The following ADGRL2 variants were observed in gnomAD, a reference collection of about 807,000 sequenced individuals.
ADGRL2 encodes calcium-independent alpha-latrotoxin receptor 2.
Under a neutral mutation model 157.4 loss-of-function variants are expected in ADGRL2, and 44 were observed. The observed-to-expected ratio is 0.28, with a 90% CI of 0.22 to 0.36. ADGRL2 has a LOEUF of 0.36. Ranked by LOEUF, ADGRL2 falls within the 10% of genes least tolerant of loss-of-function variation. ADGRL2 has a pLI of 1.00. For synonymous variants in ADGRL2, 585 were observed against 624.7 expected (o/e 0.94, Z 0.95); for missense variants, 1,510 against 1,768.9 (o/e 0.85, Z 2.63).
chr1:81,632,652 G>A (rs1479778042), intron 3 of ADGRL2, among the ~76,000 whole-genome samples: 1 of 152,006 alleles, frequency 6.6e-6, no homozygotes, highest in Non-Finnish European at 1.5e-5. Context: ...CCAACTACTC[G>A]GGAGGCTGAG....
chr1:81,361,770 T>C (rs1411195164), intron 1 of ADGRL2, among the ~76,000 whole-genome samples: 3 of 151,948 alleles, frequency 2.0e-5, no homozygotes, highest in Non-Finnish European at 4.4e-5. Context: ...AAGAAATGCT[T>C]ATTCAGTACC....
chr1:81,833,478 T>C (rs1019616403), intron 1 of ADGRL2, among the ~76,000 whole-genome samples: 2 of 152,164 alleles, frequency 1.3e-5, no homozygotes, highest in African/African-American at 4.8e-5. Context: ...TTTTAGAAAA[T>C]TGTAGTTTAA....
At chr1:81,944,739 C>A (rs1649220212) in intron 6 of ADGRL2, among the ~76,000 whole-genome samples, 1 of 151,830 alleles carries the variant, frequency 6.6e-6, no homozygotes, top group Admixed American at 6.6e-5. Context: ...AAATTAATAT[C>A]CTCAATAGGG....
intron 3 of ADGRL2, among the ~76,000 whole-genome samples, chr1:81,645,732 C>A (rs1361155190): frequency 2.0e-5 from 3 of 152,064 alleles, no homozygotes; most frequent in Non-Finnish European, 4.4e-5. Flanking sequence ...TATGAATGTA[C>A]CTTATCTTGT....
At chr1:81,979,786 A>C in intron 17 of ADGRL2, 83 bp from the exon 18 acceptor site, 1 of 790,578 alleles carries the variant, frequency 1.3e-6, no homozygotes, top group Non-Finnish European at 2.2e-6. Flanking sequence ...CTTCCATATA[A>C]ACATGGATCG....
intron 3 of ADGRL2, among the ~76,000 whole-genome samples, chr1:81,590,293 C>G (rs1379840017): frequency 6.6e-6 from 1 of 152,104 alleles, no homozygotes; most frequent in South Asian, 2.1e-4. Flanking sequence ...TATTTTCTAT[C>G]TCTTTTGATT....
intron 11 of ADGRL2, among the ~76,000 whole-genome samples, chr1:81,961,193 A>G (rs1029328000): frequency 2.6e-5 from 4 of 152,198 alleles, no homozygotes; most frequent in African/African-American, 9.6e-5. Context: ...AATCTATTGA[A>G]TAAGGCATAT....
chr1:81,623,380 G>A (rs1344383944), intron 3 of ADGRL2, among the ~76,000 whole-genome samples: 2 of 152,174 alleles, frequency 1.3e-5, no homozygotes, highest in Non-Finnish European at 2.9e-5. Context: ...TTCAAGATTA[G>A]TGGTGCTATA....
Position 81,990,575 on chromosome 1 carries a change from C to A in ADGRL2, c.3840C>A (p.Asn1280Lys), listed in dbSNP as rs1232962173. 1.9e-6 allele frequency: 3 copies of A among 1,614,096 alleles called. No individual in the cohort carries two copies. The highest frequency in any genetic ancestry group is 2.5e-6 in the Non-Finnish European group (3 of 1,180,002). The part of the protein sequence containing the change: ...EKMIISELVH[N>K]NLRGSSKTHN... ...TGATCATTTCAGAATTAGTGCACAA[C>A]AACTTACGGGGCAGCAGCAAGACTC... is the stretch of plus-strand genomic sequence containing the variant. Residue 1280 changes from asparagine to lysine, a missense_variant, in exon 24 of 24, where the codon AAC becomes AAA. This residue lies in a region of ADGRL2 where 327 missense variants were observed against 310.1 expected (regional missense o/e 1.05). Coordinates refer to ENST00000686636, the MANE Select transcript of ADGRL2 (RefSeq NM_001366006.2).
At position 81,428,335 on chromosome 1, in the gene ADGRL2, T is replaced by TAA. The variant is rs57763882; in HGVS notation, c.-301-16691_-301-16690dup. Among the ~76,000 whole-genome samples the TAA allele has an allele frequency of 7.0e-4, 102 of 146,710 alleles. 1 individual carries two copies. The South Asian group carries it at 0.019, about 28-fold the overall frequency. On this transcript the variant is annotated intron_variant, in intron 1 of 24. Coordinates refer to the ADGRL2 transcript ENST00000370721. ...CAAATTAAAAAAAATATCTCAAAATTAAAAAAAAAAAGAAAACCTCAGTAT... is the reference window on the plus strand; with the variant it reads ...CAAATTAAAAAAAATATCTCAAAATTAAAAAAAAAAAAAGAAAACCTCAGTAT...
At chr1:81,884,620 G>A (rs2094079936) in intron 2 of ADGRL2, among the ~76,000 whole-genome samples, 1 of 152,250 alleles carries the variant, frequency 6.6e-6, no homozygotes, top group South Asian at 2.1e-4. Flanking sequence ...AAACTCTTGT[G>A]ACATAATCAG....
intron 1 of ADGRL2, among the ~76,000 whole-genome samples, chr1:81,400,979 G>A (rs908957551): frequency 6.6e-6 from 1 of 152,140 alleles, no homozygotes; most frequent in African/African-American, 2.4e-5. Context: ...TTTTCTCAGG[G>A]AACAATGTGC....
At chr1:81,504,784 ATCAC>A (rs2078934317) in intron 2 of ADGRL2, among the ~76,000 whole-genome samples, 1 of 152,176 alleles carries the variant, frequency 6.6e-6, no homozygotes, top group Non-Finnish European at 1.5e-5. Context: ...ACACCTCCCC[ATCAC>A]TCAGCATTCC....
intron 1 of ADGRL2, among the ~76,000 whole-genome samples, chr1:81,444,108 G>A (rs1354099472): frequency 6.6e-6 from 1 of 152,180 alleles, no homozygotes; most frequent in Non-Finnish European, 1.5e-5. Context: ...AGATTCTATT[G>A]CCAATGTATA....
At chr1:81,360,420 G>A (rs1290916285) in intron 1 of ADGRL2, among the ~76,000 whole-genome samples, 3 of 151,918 alleles carry the variant, frequency 2.0e-5, no homozygotes, top group Non-Finnish European at 4.4e-5. Flanking sequence ...CAGGAATGGA[G>A]GGCAGCACTA....
chr1:81,388,463 T>C (rs1449734214), intron 1 of ADGRL2, among the ~76,000 whole-genome samples: 1 of 152,192 alleles, frequency 6.6e-6, no homozygotes, highest in East Asian at 1.9e-4. Flanking sequence ...TTTTTCTCTC[T>C]TGCTCTTCAA....
intron 2 of ADGRL2, among the ~76,000 whole-genome samples, chr1:81,459,757 T>C (rs1170512635): frequency 6.6e-6 from 1 of 151,076 alleles, no homozygotes; most frequent in Non-Finnish European, 1.5e-5. Flanking sequence ...CACACATATA[T>C]ATATCCTGCT....
intron 2 of ADGRL2, among the ~76,000 whole-genome samples, chr1:81,507,831 T>C (rs752063088): frequency 2.6e-5 from 4 of 152,204 alleles, no homozygotes; most frequent in Non-Finnish European, 4.4e-5. Flanking sequence ...CCATTTTCCA[T>C]TCTCCTGGTA....
At chr1:81,877,809 C>T (rs1312928191) in intron 2 of ADGRL2, among the ~76,000 whole-genome samples, 2 of 151,998 alleles carry the variant, frequency 1.3e-5, no homozygotes, top group Non-Finnish European at 2.9e-5. Flanking sequence ...GGATACCTTA[C>T]CTTTAGAAGT....
Sources: allele counts gnomAD v4.1 joint callset (sites outside exome capture counted in the v4.1 genomes callset), GRCh38; gene constraint gnomAD v4.1.1; regional missense constraint gnomAD v4.1.1; transcripts MANE v1.5; gene names NCBI Gene and HGNC (gene_info 2026-07-23, HGNC 2026-07-21).